The following LDB2 variants were observed in gnomAD, a reference collection of about 807,000 sequenced individuals.
LDB2 encodes LIM domain binding 2.
In LDB2, 12 loss-of-function variants were observed where a neutral mutation model predicts 44.3. That is an observed-to-expected ratio of 0.27 (90% CI 0.17 to 0.44). The LOEUF is 0.44. Among genes scored for constraint, LDB2 ranks in the 20% least tolerant of loss-of-function variants. The pLI is 1.00. For synonymous variants in LDB2, 164 were observed against 174.8 expected, an observed-to-expected ratio of 0.94 and a Z score of 0.49; for missense variants, 344 against 473.5, an observed-to-expected ratio of 0.73 and a Z score of 2.54.
rs561670514 is a variant in LDB2 at position 16,865,417 on chromosome 4, C to T, written c.132+32937G>A. Among the ~76,000 whole-genome samples the T allele has an allele frequency of 1.8e-3, 269 of 152,256 alleles. 2 individuals carry two copies. Among genetic ancestry groups the T allele is most frequent in the Admixed American group, 3.5e-3 (54 of 15,294 alleles). ...AAAATAAGCATGGGAACGTTCCCTG[C>T]GACCAGCTTGATGCACAGGGGCTCG... On this transcript the variant is annotated intron_variant, in intron 1 of 7. Transcript: ENST00000304523.
At chr4:16,731,106 G>T (rs1760657089) in intron 2 of LDB2, among the ~76,000 whole-genome samples, 1 of 152,138 alleles carries the variant, frequency 6.6e-6, no homozygotes, top group Non-Finnish European at 1.5e-5. Flanking sequence ...CCTAGGGAAA[G>T]GATGTACATA....
At chr4:16,749,386 C>T (rs1040576871) in intron 2 of LDB2, among the ~76,000 whole-genome samples, 4 of 151,122 alleles carry the variant, frequency 2.6e-5, no homozygotes, top group Admixed American at 6.6e-5. Context: ...GGTGAAACCT[C>T]GTCTCTACTA....
intron 2 of LDB2, among the ~76,000 whole-genome samples, chr4:16,606,618 AT>A (rs1724007730): frequency 6.6e-6 from 1 of 152,210 alleles, no homozygotes; most frequent in Non-Finnish European, 1.5e-5. Context: ...CATCCAGCTC[AT>A]GTGGTTATTG....
chr4:16,817,025 C>G (rs1164420477), intron 1 of LDB2, among the ~76,000 whole-genome samples: 2 of 152,170 alleles, frequency 1.3e-5, no homozygotes. Context: ...GCATCGCCAA[C>G]AAGACCATGA....
intron 6 of LDB2, 76 bp downstream of exon 6, chr4:16,511,905 C>CT: frequency 1.3e-6 from 2 of 1,485,874 alleles, no homozygotes; most frequent in Non-Finnish European, 1.8e-6. Flanking sequence ...TCACTTTCTT[C>CT]TTTTTCACAT....
intron 1 of LDB2, among the ~76,000 whole-genome samples, chr4:16,813,881 T>C (rs1292286923): frequency 4.0e-5 from 6 of 151,726 alleles, no homozygotes; most frequent in Non-Finnish European, 1.5e-5. Flanking sequence ...TCTTTTCTTT[T>C]TTTTTTTTTG....
intron 5 of LDB2, among the ~76,000 whole-genome samples, chr4:16,558,430 C>T (rs566844513): frequency 5.9e-5 from 9 of 152,100 alleles, no homozygotes; most frequent in South Asian, 2.1e-4. Context: ...CTTCAGGAGC[C>T]GATGCGATCA....
intron 1 of LDB2, among the ~76,000 whole-genome samples, chr4:16,852,014 C>A (rs1580229738): frequency 1.3e-5 from 2 of 152,302 alleles, no homozygotes. Flanking sequence ...AGTGACCCAG[C>A]TTGATTTCTG....
At chr4:16,675,056 G>C (rs761696858) in intron 2 of LDB2, among the ~76,000 whole-genome samples, 1 of 152,156 alleles carries the variant, frequency 6.6e-6, no homozygotes, top group Non-Finnish European at 1.5e-5. Flanking sequence ...TACCTTCGCA[G>C]TATCTTAAAT....
chr4:16,783,976 C>T (rs1286139384), intron 1 of LDB2, among the ~76,000 whole-genome samples: 1 of 152,134 alleles, frequency 6.6e-6, no homozygotes, highest in East Asian at 1.9e-4. Flanking sequence ...CACTTTTAGC[C>T]TTCATTTAAG....
At chr4:16,817,222 T>C (rs1432729228) in intron 1 of LDB2, among the ~76,000 whole-genome samples, 1 of 152,212 alleles carries the variant, frequency 6.6e-6, no homozygotes, top group Admixed American at 6.5e-5. Flanking sequence ...CGACACTTAA[T>C]CTTACTGTTT....
chr4:16,892,375 C>G (rs1036676470), intron 1 of LDB2, among the ~76,000 whole-genome samples: 3 of 152,074 alleles, frequency 2.0e-5, no homozygotes, highest in Admixed American at 6.5e-5. Context: ...TAATAGTTGC[C>G]TAGGTTCAAA....
intron 1 of LDB2, chr4:16,759,465 A>G: frequency 2.0e-6 from 1 of 511,088 alleles, no homozygotes; most frequent in Non-Finnish European, 3.5e-6. Flanking sequence ...TCAATAAGTG[A>G]GCTCAAACCA....
intron 2 of LDB2, among the ~76,000 whole-genome samples, chr4:16,623,175 T>G (rs1414764737): frequency 6.6e-6 from 1 of 152,016 alleles, no homozygotes; most frequent in Non-Finnish European, 1.5e-5. Context: ...GCAAATTTAG[T>G]AAAATAACAC....
At chr4:16,867,755 T>C (rs1432962228) in intron 1 of LDB2, among the ~76,000 whole-genome samples, 2 of 152,306 alleles carry the variant, frequency 1.3e-5, no homozygotes, top group African/African-American at 4.8e-5. Context: ...AAGTGATCTA[T>C]AATCAAATAG....
In LDB2 at chr4:16,579,075, A is replaced by C. The variant is rs73128959; in HGVS notation, c.615+6847T>G. Among the ~76,000 whole-genome samples, 201 of 152,354 alleles carry C rather than the reference A, an allele frequency of 1.3e-3. 1 individual carries two copies. The highest frequency in any genetic ancestry group is 4.7e-3 in the African/African-American group (197 of 41,596). ...GGGTGGCGGAAAAGGAGGATGGTTA[A>C]TTGGTGCCCAAACAGAGTTAGAAAG... On this transcript the variant is annotated intron_variant, in intron 5 of 7. Coordinates refer to ENST00000304523, the MANE Select transcript of LDB2 (RefSeq NM_001290.5).
intron 2 of LDB2, among the ~76,000 whole-genome samples, chr4:16,713,749 C>T (rs1319673378): frequency 1.3e-5 from 2 of 152,206 alleles, no homozygotes; most frequent in Admixed American, 6.5e-5. Flanking sequence ...ATTTCATAGG[C>T]TGCCCTGGAA....
rs71181177 is a variant in LDB2, at chr4:16,586,526, A to ACACACAC, written c.532-522_532-521insGTGTGTG. Among the ~76,000 whole-genome samples, 3 of 65,054 alleles carry ACACACAC rather than the reference A, an allele frequency of 4.6e-5. No individual in the cohort carries two copies. The South Asian group carries it at 1.6e-3, about 35-fold the overall frequency. The allele number at this position is 65,054 out of a possible 152,430, so 42.7% of individuals were successfully genotyped here. A position where few individuals can be genotyped will look rare whatever the true frequency, so the allele number is the denominator to read the frequency against. On this transcript the variant is annotated intron_variant, in intron 4 of 7. Transcript: ENST00000304523. ...CACACACACACACACACACACACAC[A>ACACACAC]AAACACACACACACACACACACACA...
At chr4:16,644,884 T>A (rs1362391487) in intron 2 of LDB2, among the ~76,000 whole-genome samples, 1 of 152,236 alleles carries the variant, frequency 6.6e-6, no homozygotes, top group Non-Finnish European at 1.5e-5. Context: ...ACCCTTATAT[T>A]TTCCCTCTTC....
Sources: gnomAD v4.1 joint callset for allele counts (sites outside exome capture counted in the v4.1 genomes callset) on GRCh38, gnomAD v4.1.1 for gene constraint, MANE v1.5 for transcripts, NCBI Gene and HGNC (gene_info 2026-07-23, HGNC 2026-07-21) for gene names.